The following DCAF16 variants were observed in gnomAD, a reference collection of about 807,000 sequenced individuals.
DCAF16 encodes DDB1- and CUL4-associated factor 16.
Under a neutral mutation model 17.3 loss-of-function variants are expected in DCAF16, and 10 were observed. That is an observed-to-expected ratio of 0.58 (90% CI 0.36 to 0.98). The LOEUF is 0.98. Ranked by LOEUF, DCAF16 falls within the 50% of genes least tolerant of loss-of-function variation. The pLI is 0.01. For missense variants in DCAF16, 249 were observed against 247.6 expected, an observed-to-expected ratio of 1.01 and a Z score of -0.04; for synonymous variants, 111 against 92.8, an observed-to-expected ratio of 1.20 and a Z score of -1.12.
Position 17,804,152 on chromosome 4 carries a change from C to G in DCAF16, c.-11G>C, listed in dbSNP as rs1422571382. On this transcript the variant is annotated 5_prime_UTR_variant, in exon 3 of 3. Transcript: ENST00000382247. ...ATTTCTAGGACCCATCAGAATAAAA[C>G]ACAGTAAGGAACCAGAAAAAGGTAA... 5.0e-6 allele frequency: 8 copies of G among 1,605,700 alleles called. No homozygotes were observed. The highest frequency in any genetic ancestry group is 6.8e-6 in the Non-Finnish European group (8 of 1,176,408).
At chr4:17,797,820 A>T (rs1200113321), downstream of DCAF16, among the ~76,000 whole-genome samples, 2 of 152,118 alleles carry the variant, frequency 1.3e-5, no homozygotes, top group Non-Finnish European at 2.9e-5. Context: ...TTGCTTAATT[A>T]ATTTATTGTA....
the DCAF16 span, among the ~76,000 whole-genome samples, chr4:17,794,799 TTACTA>T: frequency 2.0e-5 from 3 of 152,194 alleles, no homozygotes; most frequent in African/African-American, 4.8e-5. Context: ...AAAAAACTGA[TTACTA>T]AATAACATAC....
intron 1 of DCAF16, among the ~76,000 whole-genome samples, chr4:17,809,977 C>T (rs1720728961): frequency 1.3e-5 from 2 of 152,108 alleles, no homozygotes; most frequent in African/African-American, 4.8e-5. Flanking sequence ...TGTATATTTC[C>T]TCTGTAGATG....
chr4:17,803,870 C>A lies in DCAF16; in HGVS notation c.272G>T (p.Arg91Leu). The A allele has an allele frequency of 6.2e-7, 1 of 1,614,134 alleles. No homozygotes were observed. Among genetic ancestry groups the A allele is most frequent in the Non-Finnish European group, 8.5e-7 (1 of 1,180,026 alleles). The change falls in exon 3 of 3, where the codon CGA (arginine) becomes CTA (leucine). Residue 91 changes from arginine (R) to leucine (L), a missense_variant. Arg to Leu is a moderately radical substitution (Grantham distance 102). Transcript: ENST00000382247. Reference protein sequence around the residue: ...LDPSTPVHILREIGLRLSHCS... With the variant: ...LDPSTPVHILLEIGLRLSHCS... ...ATGGGAGAGTCTTAGACCTATCTCTCGAAGTATATGGACTGGTGTGCTTGG... is the reference window on the plus strand; with the variant it reads ...ATGGGAGAGTCTTAGACCTATCTCTAGAAGTATATGGACTGGTGTGCTTGG...
chr4:17,798,310 C>CTT (rs61478198), downstream of DCAF16, among the ~76,000 whole-genome samples: 38 of 131,244 alleles, frequency 2.9e-4, no homozygotes, highest in Admixed American at 5.4e-4. Context: ...TGTTATTTTC[C>CTT]TTTTTTTTTT....
downstream of DCAF16, among the ~76,000 whole-genome samples, chr4:17,795,711 C>T (rs1719397757): frequency 6.6e-6 from 1 of 152,018 alleles, no homozygotes; most frequent in Non-Finnish European, 1.5e-5. Context: ...CAGTATATTC[C>T]TTTCTGAGAA....
downstream of DCAF16, among the ~76,000 whole-genome samples, chr4:17,798,083 C>T (rs73096971): frequency 0.023 from 3,545 of 152,170 alleles, 150 homozygotes; most frequent in African/African-American, 0.081. Flanking sequence ...TTAAGCTAAC[C>T]AGTATCCTGA....
downstream of DCAF16, among the ~76,000 whole-genome samples, chr4:17,799,714 G>C (rs935977820): frequency 1.3e-5 from 2 of 152,056 alleles, no homozygotes; most frequent in Non-Finnish European, 2.9e-5. Context: ...CAGCAGGAAG[G>C]GCTTCTATCC....
At chr4:17,796,026 G>T (rs545002843), downstream of DCAF16, among the ~76,000 whole-genome samples, 1 of 152,150 alleles carries the variant, frequency 6.6e-6, no homozygotes, top group Admixed American at 6.5e-5. Context: ...TAATCATTTT[G>T]TCTTCCATAT....
chr4:17,808,692 T>C (rs1720546433), intron 1 of DCAF16, among the ~76,000 whole-genome samples: 1 of 151,542 alleles, frequency 6.6e-6, no homozygotes, highest in African/African-American at 2.4e-5. Context: ...ACTGACAAAA[T>C]GGTGTGATGT....
chr4:17,795,062 G>A, the DCAF16 span, among the ~76,000 whole-genome samples: 1 of 152,156 alleles, frequency 6.6e-6, no homozygotes, highest in Admixed American at 6.5e-5. Context: ...CCTAAGAAAA[G>A]GTAGATGGTG....
chr4:17,799,910 G>A (rs1719618753), downstream of DCAF16, among the ~76,000 whole-genome samples: 1 of 152,176 alleles, frequency 6.6e-6, no homozygotes, highest in African/African-American at 2.4e-5. Context: ...AGCACTTTGG[G>A]AGGCTGAGGT....
Position 17,801,043 on chromosome 4 carries a change from C to G in DCAF16, c.*2448G>C, listed in dbSNP as rs1719722393. ...TCCCTCTTTTTTCCTTTAGACAAGA[C>G]AACTAAGGCTCAGCAGAAATATTCA... On this transcript the variant is annotated 3_prime_UTR_variant, in exon 3 of 3. Coordinates refer to ENST00000382247, the MANE Select transcript of DCAF16 (RefSeq NM_017741.4). The G allele has an allele frequency of 6.6e-6, 1 of 152,134 alleles. No individual in the cohort carries two copies. The highest frequency in any genetic ancestry group is 1.5e-5 in the Non-Finnish European group (1 of 68,018). 9.4% of individuals were successfully genotyped at this position (152,134 alleles called of 1,614,324 possible). A position where few individuals can be genotyped will look rare whatever the true frequency, so the allele number is the denominator to read the frequency against.
At chr4:17,800,502 T>C (rs1719665476), downstream of DCAF16, among the ~76,000 whole-genome samples, 1 of 152,248 alleles carries the variant, frequency 6.6e-6, no homozygotes, top group Non-Finnish European at 1.5e-5. Context: ...AGTGTGTTTC[T>C]TCTCTAGAGA....
downstream of DCAF16, among the ~76,000 whole-genome samples, chr4:17,797,028 C>A (rs554444661): frequency 1.3e-5 from 2 of 152,034 alleles, no homozygotes; most frequent in Non-Finnish European, 2.9e-5. Flanking sequence ...AGTGGCATGA[C>A]CATAACCCAC....
Position 17,810,727 on chromosome 4 carries a change from T to C in DCAF16, c.-1030A>G. 1 of 199,440 alleles carries C rather than the reference T, an allele frequency of 5.0e-6. No individual in the cohort carries two copies. The highest frequency in any genetic ancestry group is 1.1e-4 in the East Asian group (1 of 8,916). 12.4% of individuals were successfully genotyped at this position (199,440 alleles called of 1,614,324 possible). On this transcript the variant is annotated 5_prime_UTR_variant, in exon 1 of 3. Transcript: ENST00000382247. ...CCTTCCCCTCCGGTGGCAAGGCCACTCCGCTCAGCTCCCGCGCCGACGCTA... is the reference window on the plus strand; with the variant it reads ...CCTTCCCCTCCGGTGGCAAGGCCACCCCGCTCAGCTCCCGCGCCGACGCTA...
chr4:17,793,916 G>A, the DCAF16 span, among the ~76,000 whole-genome samples: 7 of 152,048 alleles, frequency 4.6e-5, no homozygotes, highest in Non-Finnish European at 8.8e-5. Flanking sequence ...TGATGACAGA[G>A]AGAAAAACCT....
At chr4:17,797,218 A>T (rs1719470451), downstream of DCAF16, among the ~76,000 whole-genome samples, 1 of 152,216 alleles carries the variant, frequency 6.6e-6, no homozygotes, top group Non-Finnish European at 1.5e-5. Context: ...ACTAAAACCC[A>T]AGCTTAATCC....
At chr4:17,800,222 A>G (rs2109012569), downstream of DCAF16, among the ~76,000 whole-genome samples, 1 of 152,138 alleles carries the variant, frequency 6.6e-6, no homozygotes, top group East Asian at 1.9e-4. Flanking sequence ...GTTTAGAAAT[A>G]GTTTCCTTAC....
Sources: allele counts gnomAD v4.1 joint callset (sites outside exome capture counted in the v4.1 genomes callset), GRCh38; gene constraint gnomAD v4.1.1; transcripts MANE v1.5; gene names NCBI Gene and HGNC (gene_info 2026-07-23, HGNC 2026-07-21).